The following SDK1 variants were observed in gnomAD, a reference collection of about 807,000 sequenced individuals.
SDK1 encodes the protein sidekick cell adhesion molecule 1.
SDK1 carries 157 observed loss-of-function variants against 245.5 expected under a neutral mutation model. The ratio of observed to expected loss-of-function variants is 0.64; its 90% CI spans 0.56 to 0.73. The LOEUF is 0.73. Ranked by LOEUF, SDK1 falls within the 30% of genes least tolerant of loss-of-function variation. SDK1 has a pLI of 0.00. For missense variants in SDK1, 3,583 were observed against 3,002.3 expected (o/e 1.19, Z -4.52); for synonymous variants, 1,647 against 1,278.5 (o/e 1.29, Z -6.15).
intron 17 of SDK1, among the ~76,000 whole-genome samples, chr7:4,033,860 A>G (rs1048159753): frequency 6.6e-6 from 1 of 152,186 alleles, no homozygotes; most frequent in Non-Finnish European, 1.5e-5. Context: ...ACAACCCCTA[A>G]TTAATTCAAT....
chr7:3,454,388 T>TTGTGTGTGTGTGTGTG (rs60437983), intron 1 of SDK1, among the ~76,000 whole-genome samples: 6,385 of 141,654 alleles, frequency 0.045, 223 homozygotes, highest in South Asian at 0.089. Flanking sequence ...TCCCCAAGAT[T>TTGTGTGTGTGTGTGTG]TGTGTGTGTG....
rs1781860351 is a variant in SDK1 at position 3,619,192 on chromosome 7, G to A, written c.411G>A (p.Lys137=). The part of the protein sequence containing the change: ...LAEGSWPLEF[K]WMRDDSELTT... ...AAGGGAGCTGGCCTTTGGAGTTCAA[G>A]TGGATGCGCGATGACAGTGAGCTCA... The change falls in exon 2 of 45, where the codon AAG becomes AAA. Residue 137 remains lysine (K), a synonymous_variant. Transcript: ENST00000404826. 9 of 1,613,982 alleles carry A rather than the reference G, an allele frequency of 5.6e-6. No homozygotes were observed. The highest frequency in any genetic ancestry group is 7.6e-6 in the Non-Finnish European group (9 of 1,179,852).
chr7:3,489,018 G>A (rs1307788368), intron 1 of SDK1, among the ~76,000 whole-genome samples: 1 of 152,106 alleles, frequency 6.6e-6, no homozygotes, highest in Non-Finnish European at 1.5e-5. Context: ...ACCAGTCGTT[G>A]GGAATGATAT....
intron 4 of SDK1, among the ~76,000 whole-genome samples, chr7:3,807,788 T>C (rs1779288488): frequency 6.6e-6 from 1 of 152,174 alleles, no homozygotes; most frequent in African/African-American, 2.4e-5. Flanking sequence ...GTCTTGATTG[T>C]TCATGTTCTT....
intron 35 of SDK1, among the ~76,000 whole-genome samples, chr7:4,181,981 A>G (rs942817755): frequency 6.6e-6 from 1 of 152,036 alleles, no homozygotes; most frequent in Non-Finnish European, 1.5e-5. Context: ...GTGCAATGGC[A>G]TGATCTCAGC....
chr7:3,670,002 G>A lies in SDK1; in HGVS notation c.713+27897G>A, dbSNP rs578091132. 7.9e-5 allele frequency among the ~76,000 whole-genome samples: 12 copies of A among 152,280 alleles called. No homozygotes were observed. In the East Asian group the frequency reaches 1.5e-3, roughly 20 times the overall value. ...TTCTTTTTCTCTTCCACCACATCCA[G>A]TCAATCACCAGTTTCTCTTATTGTA... On this transcript the variant is annotated intron_variant, in intron 4 of 44. Transcript: ENST00000404826.
chr7:3,996,950 A>T (rs775270973), intron 14 of SDK1, among the ~76,000 whole-genome samples: 24 of 152,164 alleles, frequency 1.6e-4, no homozygotes, highest in Admixed American at 2.6e-4. Context: ...TTTTATTGAG[A>T]TATAATTTGT....
chr7:3,723,755 C>T (rs565263125), intron 4 of SDK1, among the ~76,000 whole-genome samples: 43 of 149,724 alleles, frequency 2.9e-4, no homozygotes, highest in Non-Finnish European at 5.0e-4. Context: ...TGTATATACA[C>T]GTACATATAC....
chr7:3,847,611 T>C (rs929052205), intron 5 of SDK1, among the ~76,000 whole-genome samples: 1 of 152,236 alleles, frequency 6.6e-6, no homozygotes, highest in African/African-American at 2.4e-5. Flanking sequence ...TCATTATCTC[T>C]CACTGGATTA....
At chr7:4,177,295 A>G (rs1428285611) in intron 34 of SDK1, among the ~76,000 whole-genome samples, 4 of 152,216 alleles carry the variant, frequency 2.6e-5, no homozygotes, top group African/African-American at 9.6e-5. Flanking sequence ...TGCCAGGCAC[A>G]CACATGGGAC....
chr7:3,427,521 C>CAA (rs57827479), intron 1 of SDK1, among the ~76,000 whole-genome samples: 48 of 96,152 alleles, frequency 5.0e-4, no homozygotes, highest in African/African-American at 7.0e-4. Context: ...CTCCATCTCC[C>CAA]AAAAAAAAAA....
At chr7:4,223,055 C>A (rs763068787) in intron 40 of SDK1, among the ~76,000 whole-genome samples, 9 of 151,466 alleles carry the variant, frequency 5.9e-5, no homozygotes, top group South Asian at 2.1e-4. Context: ...ACTCTTCCAG[C>A]CTGGGTGACA....
chr7:4,137,940 T>A (rs1015841666), intron 28 of SDK1, among the ~76,000 whole-genome samples: 1 of 152,362 alleles, frequency 6.6e-6, no homozygotes, highest in Non-Finnish European at 1.5e-5. Context: ...GAAAAAAAGC[T>A]GTCTTCTATT....
intron 25 of SDK1, among the ~76,000 whole-genome samples, chr7:4,120,803 A>T (rs1388202268): frequency 6.6e-6 from 1 of 151,888 alleles, no homozygotes; most frequent in African/African-American, 2.4e-5. Flanking sequence ...TTTAGTAGAG[A>T]TGGGGTTTCA....
At chr7:3,943,293 G>T (rs898110196) in intron 5 of SDK1, among the ~76,000 whole-genome samples, 2 of 69,200 alleles carry the variant, frequency 2.9e-5, no homozygotes, top group African/African-American at 1.1e-4. Context: ...TTCCCTCTGA[G>T]CTGTGGCCGG....
chr7:3,321,073 A>C (rs1012651738), intron 1 of SDK1, among the ~76,000 whole-genome samples: 1 of 152,224 alleles, frequency 6.6e-6, no homozygotes. Context: ...GCAATCCTAA[A>C]ATTTTAAGAT....
intron 44 of SDK1, among the ~76,000 whole-genome samples, chr7:4,260,101 T>G (rs553470399): frequency 1.4e-4 from 21 of 151,794 alleles, no homozygotes; most frequent in Non-Finnish European, 2.2e-4. Flanking sequence ...TCTGTGTGTG[T>G]GGGAAGATGT....
chr7:4,075,066 C>G (rs930357346), intron 20 of SDK1, among the ~76,000 whole-genome samples: 1 of 151,482 alleles, frequency 6.6e-6, no homozygotes. Flanking sequence ...GATGAAGACA[C>G]CACAGAGGAT....
At chr7:3,969,458 T>C in intron 11 of SDK1, 34 bp downstream of exon 11, 1 of 1,484,642 alleles carries the variant, frequency 6.7e-7, no homozygotes, top group Non-Finnish European at 9.0e-7. Flanking sequence ...GGCCTTCTGT[T>C]AGCCACGGTT....
Sources: gnomAD v4.1 joint callset for allele counts (sites outside exome capture counted in the v4.1 genomes callset) on GRCh38, gnomAD v4.1.1 for gene constraint, MANE v1.5 for transcripts, NCBI Gene and HGNC (gene_info 2026-07-23, HGNC 2026-07-21) for gene names.